CADPS2: variants seen among roughly 807,000 people sequenced by gnomAD.
The protein encoded by CADPS2 is calcium dependent secretion activator 2.
CADPS2 carries 93 observed loss-of-function variants against 172.5 expected under a neutral mutation model. The observed-to-expected ratio is 0.54, with a 90% CI of 0.46 to 0.64. CADPS2 has a LOEUF of 0.64. CADPS2 is among the 30% of genes least tolerant of loss of function. The pLI is 0.00. For synonymous variants in CADPS2, 546 were observed against 555.2 expected, an observed-to-expected ratio of 0.98 and a Z score of 0.23; for missense variants, 1,420 against 1,565.9, an observed-to-expected ratio of 0.91 and a Z score of 1.57.
rs982052764 is a variant in CADPS2 at position 122,785,468 on chromosome 7, C to A, written c.340-48400G>T. Among the ~76,000 whole-genome samples the A allele has an allele frequency of 2.0e-5, 3 of 152,006 alleles. No homozygotes were observed. The South Asian group carries it at 6.2e-4, about 32-fold the overall frequency. ...TGATAAGAGTCTCTGGAGGAGGTAC[C>A]CAGGCATTAGTACTTATGTAAATAC... On this transcript the variant is annotated intron_variant, in intron 1 of 29. Transcript: ENST00000449022.
At chr7:122,567,103 C>G (rs1206787301) in intron 7 of CADPS2, among the ~76,000 whole-genome samples, 1 of 148,600 alleles carries the variant, frequency 6.7e-6, no homozygotes, top group Non-Finnish European at 1.5e-5. Flanking sequence ...ATTCTACTAA[C>G]CAATAAAACA....
At chr7:122,746,156 T>C (rs2138185802) in intron 1 of CADPS2, among the ~76,000 whole-genome samples, 1 of 152,302 alleles carries the variant, frequency 6.6e-6, no homozygotes, top group East Asian at 1.9e-4. Flanking sequence ...TACATGGTCA[T>C]TTTATTTCAG....
At chr7:122,750,441 A>G (rs1203593916) in intron 1 of CADPS2, among the ~76,000 whole-genome samples, 1 of 152,058 alleles carries the variant, frequency 6.6e-6, no homozygotes, top group Non-Finnish European at 1.5e-5. Context: ...CCCTCTTTCT[A>G]TGTCTTTGAC....
At chr7:122,479,419 G>A (rs2057046758) in intron 12 of CADPS2, among the ~76,000 whole-genome samples, 1 of 152,140 alleles carries the variant, frequency 6.6e-6, no homozygotes, top group African/African-American at 2.4e-5. Flanking sequence ...TACCATCCAT[G>A]TAGGCTTTAA....
rs1166861704 is a variant in CADPS2 at position 122,645,290 on chromosome 7, CATATATACACATAT to C, written c.787-15976_787-15963del. 6.5e-3 allele frequency among the ~76,000 whole-genome samples: 900 copies of C among 137,454 alleles called. 12 individuals are homozygous for C. The highest frequency in any genetic ancestry group is 0.011 in the Non-Finnish European group (695 of 63,760). The allele number at this position is 137,454 out of a possible 152,430, so 90.2% of individuals were successfully genotyped here. ...ATGTACATATATACACACATATGTA[CATATATACACATAT>C]GTACATGTGTGTATACATGTACATA... On this transcript the variant is annotated intron_variant, in intron 3 of 29. Coordinates refer to ENST00000449022, the MANE Select transcript of CADPS2 (RefSeq NM_017954.11).
chr7:122,450,521 C>CTTTTTT (rs11422329), intron 15 of CADPS2, among the ~76,000 whole-genome samples: 2 of 79,130 alleles, frequency 2.5e-5, no homozygotes, highest in Non-Finnish European at 4.9e-5. Context: ...TATTGGTGGC[C>CTTTTTT]TTTTTTTTTT....
At chr7:122,373,218 C>G (rs909313199) in intron 25 of CADPS2, among the ~76,000 whole-genome samples, 1 of 151,926 alleles carries the variant, frequency 6.6e-6, no homozygotes, top group African/African-American at 2.4e-5. Context: ...GGTTTACATG[C>G]CAGTCTGGAT....
intron 7 of CADPS2, among the ~76,000 whole-genome samples, chr7:122,561,187 A>G (rs2065715874): frequency 6.6e-6 from 1 of 152,116 alleles, no homozygotes; most frequent in African/African-American, 2.4e-5. Context: ...CTTATTTTCC[A>G]TGGGCTAAAT....
At chr7:122,628,148 A>C (rs976721287) in intron 4 of CADPS2, among the ~76,000 whole-genome samples, 1 of 151,704 alleles carries the variant, frequency 6.6e-6, no homozygotes, top group African/African-American at 2.4e-5. Context: ...AATTATCTAC[A>C]TTTTTCTCTA....
chr7:122,601,441 GA>G (rs2072765164), intron 6 of CADPS2, among the ~76,000 whole-genome samples: 1 of 151,866 alleles, frequency 6.6e-6, no homozygotes, highest in Non-Finnish European at 1.5e-5. Context: ...TCTGAGCCAG[GA>G]ACACGAAAGT....
At chr7:122,724,523 A>G (rs1482122528) in intron 2 of CADPS2, among the ~76,000 whole-genome samples, 5 of 152,078 alleles carry the variant, frequency 3.3e-5, no homozygotes, top group African/African-American at 9.7e-5. Context: ...GTAGGTAATA[A>G]TAGTAATAGC....
At position 122,319,219 on chromosome 7, in the gene CADPS2, C is replaced by G. The variant is rs2031877659; in HGVS notation, c.*946G>C. 6.6e-6 allele frequency: 1 copy of G among 152,002 alleles called. No individual in the cohort carries two copies. Among genetic ancestry groups the G allele is most frequent in the Admixed American group, 6.6e-5 (1 of 15,256 alleles). 9.4% of individuals were successfully genotyped at this position (152,002 alleles called of 1,614,324 possible). ...TAACAATGTATGTGCCTATTAGGTACAAAGAACAGTCAGTGTTACTATCTT... is the reference window on the plus strand; with the variant it reads ...TAACAATGTATGTGCCTATTAGGTAGAAAGAACAGTCAGTGTTACTATCTT... On this transcript the variant is annotated 3_prime_UTR_variant, in exon 30 of 30. Coordinates refer to ENST00000449022, the MANE Select transcript of CADPS2 (RefSeq NM_017954.11).
In CADPS2 at chr7:122,527,617, A is replaced by AGAGAGAGAGAGAGAGAGTGTGTGTGT; in HGVS notation, c.1476-14303_1476-14302insACACACACACTCTCTCTCTCTCTCTC. ...GAGAGAGAGAGAGAGAGAGAGAGAG[A>AGAGAGAGAGAGAGAGAGTGTGTGTGT]GTGTGTGTGTGTGTGTGTGTGTGTG... On this transcript the variant is annotated intron_variant, in intron 8 of 29. Transcript: ENST00000449022. 2.1e-3 allele frequency among the ~76,000 whole-genome samples: 177 copies of AGAGAGAGAGAGAGAGAGTGTGTGTGT among 83,788 alleles called. 1 individual carries two copies. The highest frequency in any genetic ancestry group is 3.5e-3 in the Non-Finnish European group (133 of 38,268). The allele number at this position is 83,788 out of a possible 152,430, so 55.0% of individuals were successfully genotyped here.
At chr7:122,686,320 TG>T (rs1329722144) in intron 2 of CADPS2, among the ~76,000 whole-genome samples, 2 of 152,204 alleles carry the variant, frequency 1.3e-5, no homozygotes, top group Non-Finnish European at 2.9e-5. Flanking sequence ...AGAAACCTAT[TG>T]TACATGTGAA....
chr7:122,551,812 G>A (rs564164234), intron 8 of CADPS2, among the ~76,000 whole-genome samples: 2 of 152,150 alleles, frequency 1.3e-5, no homozygotes, highest in South Asian at 4.1e-4. Flanking sequence ...CAGGCCCAAA[G>A]CGAAATGCTA....
chr7:122,754,432 C>G (rs1038163622), intron 1 of CADPS2, among the ~76,000 whole-genome samples: 3 of 152,134 alleles, frequency 2.0e-5, no homozygotes, highest in East Asian at 3.9e-4. Context: ...GCCTTGACAG[C>G]ATCAGAATAT....
chr7:122,567,051 G>C (rs1322749628), intron 7 of CADPS2, among the ~76,000 whole-genome samples: 1 of 152,148 alleles, frequency 6.6e-6, no homozygotes, highest in Non-Finnish European at 1.5e-5. Flanking sequence ...GGAAAGTGAA[G>C]AGATTGGATT....
intron 8 of CADPS2, among the ~76,000 whole-genome samples, chr7:122,532,355 T>A (rs2061837353): frequency 6.6e-6 from 1 of 152,220 alleles, no homozygotes; most frequent in Non-Finnish European, 1.5e-5. Flanking sequence ...ACACATTTTC[T>A]ACAATATTCC....
intron 8 of CADPS2, among the ~76,000 whole-genome samples, chr7:122,534,483 T>C (rs1461012235): frequency 6.6e-6 from 1 of 152,084 alleles, no homozygotes; most frequent in Non-Finnish European, 1.5e-5. Context: ...GTCACAGGCT[T>C]AAGGCATAGT....
Sources: allele counts gnomAD v4.1 joint callset (sites outside exome capture counted in the v4.1 genomes callset), GRCh38; gene constraint gnomAD v4.1.1; transcripts MANE v1.5; gene names NCBI Gene and HGNC (gene_info 2026-07-23, HGNC 2026-07-21).